The following MINDY2 variants were observed in gnomAD, a reference collection of about 807,000 sequenced individuals.
MINDY2 encodes ubiquitin carboxyl-terminal hydrolase MINDY-2.
A neutral mutation model predicts 68.2 loss-of-function variants in MINDY2; 52 were observed. The ratio of observed to expected loss-of-function variants is 0.76; its 90% CI spans 0.61 to 0.96. MINDY2 has a LOEUF of 0.96. Among genes scored for constraint, MINDY2 ranks in the 40% least tolerant of loss-of-function variants. The pLI is 0.00. For synonymous variants in MINDY2, 372 were observed against 303.0 expected, an observed-to-expected ratio of 1.23 and a Z score of -2.36; for missense variants, 881 against 773.4, an observed-to-expected ratio of 1.14 and a Z score of -1.65.
chr15:58,817,818 A>G (rs2030795884), intron 4 of MINDY2: 1 of 152,244 alleles, frequency 6.6e-6, no homozygotes, highest in South Asian at 2.1e-4. Context: ...GAGAGTGGAA[A>G]TTGGCCATCT....
chr15:58,798,337 G>C (rs567387682), intron 2 of MINDY2, among the ~76,000 whole-genome samples: 1 of 150,640 alleles, frequency 6.6e-6, no homozygotes, highest in African/African-American at 2.4e-5. Context: ...ATGTTGGCCA[G>C]GCTGATCTCG....
chr15:58,820,250 G>C (rs891925794), intron 4 of MINDY2, among the ~76,000 whole-genome samples: 52 of 151,768 alleles, frequency 3.4e-4, no homozygotes, highest in African/African-American at 5.3e-4. Flanking sequence ...TGGCGACAGA[G>C]TGAGATTCCA....
At chr15:58,787,511 G>A (rs1308702059) in intron 1 of MINDY2, among the ~76,000 whole-genome samples, 1 of 151,986 alleles carries the variant, frequency 6.6e-6, no homozygotes, top group East Asian at 1.9e-4. Context: ...GCCGAGGCAG[G>A]TGGATCAGAA....
rs374278754 is a variant in MINDY2, at chr15:58,790,595, T to C, written c.898+2632T>C. 4.8e-3 allele frequency among the ~76,000 whole-genome samples: 735 copies of C among 151,736 alleles called. 2 individuals are homozygous for C. The highest frequency in any genetic ancestry group is 0.017 in the African/African-American group (702 of 41,270). The stretch of plus-strand genomic sequence containing the variant: ...GTTGACAATAGACCTTAGTGGGGGG[T>C]AAGACAAGTGGGAAAACTATTTAGG... On this transcript the variant is annotated intron_variant, in intron 2 of 8. Coordinates refer to ENST00000559228, the MANE Select transcript of MINDY2 (RefSeq NM_001040450.3).
At chr15:58,784,302 G>T (rs8032298) in intron 1 of MINDY2, among the ~76,000 whole-genome samples, 38,594 of 151,958 alleles carry the variant, frequency 0.25, 5,390 homozygotes, top group East Asian at 0.62. Flanking sequence ...ATCCAGCCTG[G>T]AGGACAGTGA....
rs149329268 is a variant in MINDY2 at position 58,859,445 on chromosome 15, C to T, written c.*4835C>T. On this transcript the variant is annotated 3_prime_UTR_variant, in exon 9 of 9. Coordinates refer to ENST00000559228, the MANE Select transcript of MINDY2 (RefSeq NM_001040450.3). ...GTTATTTGATAATGTGAAGTTAAATCCCTTTTAGAAAGTGACTGAAAATGG... is the reference window on the plus strand; with the variant it reads ...GTTATTTGATAATGTGAAGTTAAATTCCTTTTAGAAAGTGACTGAAAATGG... 6.6e-6 allele frequency: 1 copy of T among 152,154 alleles called. No individual in the cohort carries two copies. The highest frequency in any genetic ancestry group is 1.5e-5 in the Non-Finnish European group (1 of 67,988). 9.4% of individuals were successfully genotyped at this position (152,154 alleles called of 1,614,324 possible). A position where few individuals can be genotyped will look rare whatever the true frequency, so the allele number is the denominator to read the frequency against.
In MINDY2 at chr15:58,854,663, A is replaced by C. The variant is rs1270343682; in HGVS notation, c.*53A>C. ...TATATGTCTTGAGAAACAAAACCACAGGAGGAAAGGAAGAAAAACCGATCA... is the reference window on the plus strand; with the variant it reads ...TATATGTCTTGAGAAACAAAACCACCGGAGGAAAGGAAGAAAAACCGATCA... On this transcript the variant is annotated 3_prime_UTR_variant, in exon 9 of 9. Transcript: ENST00000559228. 1.4e-5 allele frequency: 22 copies of C among 1,551,006 alleles called. No individual in the cohort carries two copies. The highest frequency in any genetic ancestry group is 1.9e-5 in the Non-Finnish European group (22 of 1,158,004).
chr15:58,779,506 G>A (rs1900997552), intron 1 of MINDY2, among the ~76,000 whole-genome samples: 2 of 152,082 alleles, frequency 1.3e-5, no homozygotes, highest in South Asian at 4.1e-4. Context: ...TTCTCTTCCT[G>A]AAGTAGCACA....
intron 5 of MINDY2, among the ~76,000 whole-genome samples, chr15:58,825,116 T>C (rs1336888736): frequency 6.6e-6 from 1 of 152,262 alleles, no homozygotes; most frequent in Non-Finnish European, 1.5e-5. Context: ...AAATAAGTTT[T>C]GGTCACAGGT....
intron 5 of MINDY2, among the ~76,000 whole-genome samples, chr15:58,831,069 T>G (rs2141019562): frequency 8.0e-6 from 1 of 125,036 alleles, no homozygotes; most frequent in Admixed American, 8.1e-5. Flanking sequence ...ATGTTTTAAA[T>G]TATACCCCGG....
intron 3 of MINDY2, among the ~76,000 whole-genome samples, chr15:58,802,606 C>A (rs1166608076): frequency 6.6e-6 from 1 of 151,778 alleles, no homozygotes; most frequent in East Asian, 1.9e-4. Context: ...TCCTTTTTTT[C>A]TCATTTTTTT....
At chr15:58,833,154 A>G (rs577180578) in intron 6 of MINDY2, among the ~76,000 whole-genome samples, 21 of 152,346 alleles carry the variant, frequency 1.4e-4, no homozygotes, top group African/African-American at 4.8e-4. Context: ...GTACAGTAGA[A>G]TACTGTTCTG....
chr15:58,838,590 T>TTC (rs2032118343), intron 6 of MINDY2, among the ~76,000 whole-genome samples: 2 of 136,548 alleles, frequency 1.5e-5, no homozygotes, highest in African/African-American at 2.8e-5. Context: ...GGATTTTTTT[T>TTC]TTTTTTTTTT....
intron 5 of MINDY2, among the ~76,000 whole-genome samples, chr15:58,829,288 T>G (rs1194451861): frequency 1.3e-5 from 2 of 152,238 alleles, no homozygotes; most frequent in Non-Finnish European, 2.9e-5. Context: ...TTCTAGTTCT[T>G]AATAAGCTAT....
At chr15:58,803,226 G>T (rs1595728549) in intron 3 of MINDY2, among the ~76,000 whole-genome samples, 1 of 152,164 alleles carries the variant, frequency 6.6e-6, no homozygotes, top group East Asian at 1.9e-4. Flanking sequence ...CAGCACTTTG[G>T]GAGGCCGAGG....
chr15:58,854,441 G>C (rs2032981690), intron 8 of MINDY2, 41 bp from the exon 9 acceptor site: 1 of 1,592,242 alleles, frequency 6.3e-7, no homozygotes, highest in Non-Finnish European at 8.5e-7. Flanking sequence ...AAGTCCCTCA[G>C]AATAGTTAGA....
rs1269021807 is a variant in MINDY2, at chr15:58,855,912, T to G, written c.*1302T>G. On this transcript the variant is annotated 3_prime_UTR_variant, in exon 9 of 9. Transcript: ENST00000559228. ...TCCAGCCTGGGTGACAGAGGGAGAC[T>G]CCGTCTCAAAAAAAAAAAAGTCTGA... is the stretch of plus-strand genomic sequence containing the variant. 1 of 151,786 alleles carries G rather than the reference T, an allele frequency of 6.6e-6. No homozygotes were observed. The highest frequency in any genetic ancestry group is 2.1e-4 in the South Asian group (1 of 4,788). The allele number at this position is 151,786 out of a possible 1,614,324, so 9.4% of individuals were successfully genotyped here.
In MINDY2 at chr15:58,771,392, C is replaced by A. The variant is rs765450984; in HGVS notation, c.-4C>A. ...TCCATAGAGCTGGGGGCGGGCGGCC[C>A]GGTATGGAGAGCAGCCCCGAGAGCC... On this transcript the variant is annotated 5_prime_UTR_variant, in exon 1 of 9. Transcript: ENST00000559228. The A allele has an allele frequency of 6.2e-7, 1 of 1,604,186 alleles. No individual in the cohort carries two copies.
chr15:58,848,241 A>T (rs2032633700), intron 7 of MINDY2, among the ~76,000 whole-genome samples: 1 of 152,196 alleles, frequency 6.6e-6, no homozygotes, highest in South Asian at 2.1e-4. Context: ...TTCACTCATA[A>T]CAATTTAAGT....
Sources: gnomAD v4.1 joint callset for allele counts (sites outside exome capture counted in the v4.1 genomes callset) on GRCh38, gnomAD v4.1.1 for gene constraint, MANE v1.5 for transcripts, NCBI Gene and HGNC (gene_info 2026-07-23, HGNC 2026-07-21) for gene names.